Variants in FOXO1 observed in about 807,000 individuals in gnomAD.
FOXO1 encodes forkhead box protein O1.
A neutral mutation model predicts 44.1 loss-of-function variants in FOXO1; 6 were observed. The observed-to-expected ratio is 0.14, with a 90% CI of 0.07 to 0.27. The LOEUF (loss-of-function observed/expected upper bound fraction) is 0.27, where lower values mean the gene tolerates loss of function less well. Ranked by LOEUF, FOXO1 falls within the 10% of genes least tolerant of loss-of-function variation. The pLI, the probability that FOXO1 is intolerant of heterozygous loss-of-function variation, is 1.00. For synonymous variants in FOXO1, 380 were observed against 362.7 expected, an observed-to-expected ratio of 1.05 and a Z score of -0.54; for missense variants, 737 against 888.8, an observed-to-expected ratio of 0.83 and a Z score of 2.17.
At chr13:40,634,274 A>G (rs1002143244) in intron 1 of FOXO1, among the ~76,000 whole-genome samples, 1 of 152,228 alleles carries the variant, frequency 6.6e-6, no homozygotes, top group African/African-American at 2.4e-5. Flanking sequence ...AATCTGCAAT[A>G]GAGAACTCAA....
At chr13:40,659,507 C>T (rs1226720945) in intron 1 of FOXO1, among the ~76,000 whole-genome samples, 1 of 150,752 alleles carries the variant, frequency 6.6e-6, no homozygotes, top group Non-Finnish European at 1.5e-5. Flanking sequence ...AAATAAAGGA[C>T]ACATTTTGAA....
intron 1 of FOXO1, chr13:40,621,378 AT>A: frequency 2.7e-6 from 1 of 368,586 alleles, no homozygotes; most frequent in Non-Finnish European, 4.8e-6. Context: ...CAAATATTGT[AT>A]TTTAGTAGAA....
intron 1 of FOXO1, among the ~76,000 whole-genome samples, chr13:40,630,621 C>G (rs1876930759): frequency 6.6e-6 from 1 of 151,616 alleles, no homozygotes; most frequent in South Asian, 2.1e-4. Flanking sequence ...CGCCACTGCA[C>G]TCCAGACTGG....
chr13:40,646,801 C>T (rs867031300), intron 1 of FOXO1, among the ~76,000 whole-genome samples: 6 of 152,062 alleles, frequency 3.9e-5, no homozygotes, highest in South Asian at 2.1e-4. Context: ...ACCATGTCGG[C>T]CAGGGTGGTC....
intron 1 of FOXO1, among the ~76,000 whole-genome samples, chr13:40,595,554 T>G (rs1288210109): frequency 6.6e-6 from 1 of 152,118 alleles, no homozygotes; most frequent in Non-Finnish European, 1.5e-5. Context: ...TGTATAATGA[T>G]CAAATCAGGG....
intron 1 of FOXO1, among the ~76,000 whole-genome samples, chr13:40,576,145 A>G (rs1050014161): frequency 6.6e-6 from 1 of 152,230 alleles, no homozygotes; most frequent in East Asian, 1.9e-4. Context: ...GTTTGTGAGG[A>G]AACTTTTTTA....
At chr13:40,659,243 A>G (rs1877956091) in intron 1 of FOXO1, among the ~76,000 whole-genome samples, 1 of 146,942 alleles carries the variant, frequency 6.8e-6, no homozygotes, top group South Asian at 2.3e-4. Flanking sequence ...TGAACCTGGG[A>G]GGCAGAGGTT....
intron 1 of FOXO1, among the ~76,000 whole-genome samples, chr13:40,636,636 C>G (rs568186255): frequency 1.5e-4 from 23 of 150,730 alleles, no homozygotes; most frequent in Admixed American, 8.0e-4. Context: ...ATTCTCCCGT[C>G]TCAGCCTCCC....
At chr13:40,585,488 C>CA (rs1268534378) in intron 1 of FOXO1, among the ~76,000 whole-genome samples, 2 of 152,228 alleles carry the variant, frequency 1.3e-5, no homozygotes, top group African/African-American at 4.8e-5. Context: ...AGCCAGATCA[C>CA]ACCAGCTTCA....
intron 1 of FOXO1, among the ~76,000 whole-genome samples, chr13:40,609,483 G>C (rs546636216): frequency 6.6e-6 from 1 of 152,092 alleles, no homozygotes; most frequent in African/African-American, 2.4e-5. Context: ...AGAAAATACA[G>C]GTTTCAGTGC....
At chr13:40,660,912 C>A (rs991877553) in intron 1 of FOXO1, among the ~76,000 whole-genome samples, 1 of 151,832 alleles carries the variant, frequency 6.6e-6, no homozygotes, top group Non-Finnish European at 1.5e-5. Context: ...CCACTACACT[C>A]CAGCCTGGGC....
rs758104682 is a variant in FOXO1, at chr13:40,559,983, A to G, written c.1508T>C (p.Val503Ala). The change falls in exon 2 of 3, where the codon GTC becomes GCC. Residue 503 changes from valine (V) to alanine (A), a missense_variant. Physicochemically the swap from Val to Ala is moderately conservative, Grantham distance 64 (BLOSUM62 0). Around this residue, in one of 7 missense-constraint regions of FOXO1, gnomAD observed 283 missense variants for 278.1 expected, o/e 1.02. Coordinates refer to ENST00000379561, the MANE Select transcript of FOXO1 (RefSeq NM_002015.4). ...GQNVMMGPNS[V>A]MSTYGSQASH... ...TGCCTGGCTGCCATAGGTTGACATGACCGAATTAGGGCCCATCATGACGTT... is the reference window on the plus strand; with the variant it reads ...TGCCTGGCTGCCATAGGTTGACATGGCCGAATTAGGGCCCATCATGACGTT... The G allele has an allele frequency of 2.5e-6, 4 of 1,614,142 alleles. No homozygotes were observed. The East Asian group carries it at 8.9e-5, about 36-fold the overall frequency.
chr13:40,658,597 AC>A (rs911611733), intron 1 of FOXO1, among the ~76,000 whole-genome samples: 5 of 152,254 alleles, frequency 3.3e-5, no homozygotes, highest in African/African-American at 9.6e-5. Flanking sequence ...CCTGAGGTAT[AC>A]TTATGAATGA....
chr13:40,581,145 G>C (rs1268328130), intron 1 of FOXO1, among the ~76,000 whole-genome samples: 39 of 152,150 alleles, frequency 2.6e-4, no homozygotes, highest in Non-Finnish European at 2.1e-4. Flanking sequence ...TGTCCAGAGA[G>C]CATCACTGAA....
chr13:40,588,735 G>A (rs1329021987), intron 1 of FOXO1, among the ~76,000 whole-genome samples: 3 of 152,120 alleles, frequency 2.0e-5, no homozygotes. Context: ...AACTATGGAG[G>A]TCTCCTTGGT....
Position 40,560,641 on chromosome 13 carries a change from C to A in FOXO1, c.850G>T (p.Ala284Ser). Residue 284 changes from alanine to serine, a missense_variant, in exon 2 of 3, where the codon GCT becomes TCT. Coordinates refer to ENST00000379561, the MANE Select transcript of FOXO1 (RefSeq NM_002015.4). This position sits in a 1 kb window ranked among gnomAD's most constrained non-coding sequence, Gnocchi z 5.1. ...KASLQSGQEGAGDSPGSQFSK... is the reference protein window; with the variant it reads ...KASLQSGQEGSGDSPGSQFSK... Reference sequence around the variant, plus strand: ...AACTGTGATCCAGGGCTGTCCCCAGCACCCTCCTGGCCAGACTGGAGAGAT... The same window carrying A: ...AACTGTGATCCAGGGCTGTCCCCAGAACCCTCCTGGCCAGACTGGAGAGAT... 1 of 1,614,224 alleles carries A rather than the reference C, an allele frequency of 6.2e-7. No homozygotes were observed. The highest frequency in any genetic ancestry group is 8.5e-7 in the Non-Finnish European group (1 of 1,180,036).
intron 1 of FOXO1, among the ~76,000 whole-genome samples, chr13:40,571,371 T>TA (rs929412711): frequency 1.6e-4 from 24 of 152,116 alleles, no homozygotes; most frequent in African/African-American, 3.9e-4. Flanking sequence ...TAAAGTACTA[T>TA]AAAAAAAGTA....
At position 40,666,284 on chromosome 13, in the gene FOXO1, G is replaced by A. The variant is rs906431379; in HGVS notation, c.-72C>T. On this transcript the variant is annotated 5_prime_UTR_variant, in exon 1 of 3. Coordinates refer to ENST00000379561, the MANE Select transcript of FOXO1 (RefSeq NM_002015.4). ...GAACGCAGCACTGGGGGCGGACGGG[G>A]AGGGGGCGCGAAGGGACGGTCCGAG... is the stretch of plus-strand genomic sequence containing the variant. 5 of 1,257,382 alleles carry A rather than the reference G, an allele frequency of 4.0e-6. No individual in the cohort carries two copies. The African/African-American group carries it at 7.8e-5, about 20-fold the overall frequency. 77.9% of individuals were successfully genotyped at this position (1,257,382 alleles called of 1,614,324 possible).
At chr13:40,649,814 C>T (rs1877621733) in intron 1 of FOXO1, among the ~76,000 whole-genome samples, 1 of 152,212 alleles carries the variant, frequency 6.6e-6, no homozygotes, top group Admixed American at 6.5e-5. Context: ...ATATTCCCTT[C>T]ATTTTATTCC....
Sources: gnomAD v4.1 joint callset for allele counts (sites outside exome capture counted in the v4.1 genomes callset) on GRCh38, gnomAD v4.1.1 for gene constraint, gnomAD v4.1.1 regional missense constraint, Gnocchi (gnomAD v3.1) non-coding constraint, MANE v1.5 for transcripts, NCBI Gene and HGNC (gene_info 2026-07-23, HGNC 2026-07-21) for gene names.